Variants in OR52N4 observed in about 807,000 individuals in gnomAD.
OR52N4 encodes olfactory receptor family 52 subfamily N member 4, also known as olfactory receptor 52N4.
A neutral mutation model predicts 15.0 loss-of-function variants in OR52N4; 15 were observed. That is an observed-to-expected ratio of 1.00 (90% CI 0.67 to 1.54). OR52N4 has a LOEUF of 1.54. Ranked by LOEUF, OR52N4 falls within the 40% of genes most tolerant of loss-of-function variation. The pLI is 0.00. For missense variants in OR52N4, 421 were observed against 394.0 expected, an observed-to-expected ratio of 1.07 and a Z score of -0.58; for synonymous variants, 143 against 143.7, an observed-to-expected ratio of 1.00 and a Z score of 0.03.
chr11:5,736,517 A>G, the OR52N4 span: 1 of 1,613,108 alleles, frequency 6.2e-7, no homozygotes, highest in Non-Finnish European at 8.5e-7. Context: ...ATGTTGAATC[A>G]TGAATCATAT....
At chr11:5,737,298 A>G in the OR52N4 span, 1 of 1,614,056 alleles carries the variant, frequency 6.2e-7, no homozygotes, top group Non-Finnish European at 8.5e-7. Context: ...CTTTTCTTTT[A>G]CACTATTGTT....
At position 5,755,807 on chromosome 11, in the gene OR52N4, C is replaced by A; in HGVS notation, c.*101C>A. 1.4e-6 allele frequency: 2 copies of A among 1,396,198 alleles called. No individual in the cohort carries two copies. The highest frequency in any genetic ancestry group is 1.9e-6 in the Non-Finnish European group (2 of 1,042,438). The allele number at this position is 1,396,198 out of a possible 1,614,324, so 86.5% of individuals were successfully genotyped here. On this transcript the variant is annotated 3_prime_UTR_variant, in exon 2 of 2. Transcript: ENST00000641350. ...CTTTCTGGAAGCACTGTATTGATCACAAAATGGAGTTTGTTAACTGGTGCA... is the reference window on the plus strand; with the variant it reads ...CTTTCTGGAAGCACTGTATTGATCAAAAAATGGAGTTTGTTAACTGGTGCA...
chr11:5,729,505 T>G, the OR52N4 span, among the ~76,000 whole-genome samples: 1 of 152,166 alleles, frequency 6.6e-6, no homozygotes, highest in East Asian at 1.9e-4. Context: ...TTCTCCAAAT[T>G]GACCATTTTT....
At chr11:5,730,039 AT>A in the OR52N4 span, among the ~76,000 whole-genome samples, 174 of 151,946 alleles carry the variant, frequency 1.1e-3, 2 homozygotes, top group African/African-American at 3.9e-3. Context: ...AACCTTAGTG[AT>A]TTTTTTTAAA....
rs576213456 is a variant in OR52N4 at position 5,755,085 on chromosome 11, G to A, written c.345G>A (p.Gly115=). The part of the protein sequence containing the change: ...FTHTFTGMES[G]VLMLMALDRY... ...ACACCTTCACAGGGATGGAGTCTGG[G>A]GTGCTTATGCTTATGGCCCTGGATC... Residue 115 remains glycine (G), a synonymous_variant, in exon 2 of 2, where the codon GGG becomes GGA. Coordinates refer to ENST00000641350, the MANE Select transcript of OR52N4 (RefSeq NM_001005175.5). The A allele has an allele frequency of 1.9e-6, 3 of 1,613,982 alleles. No homozygotes were observed. The highest frequency in any genetic ancestry group is 1.3e-5 in the African/African-American group (1 of 75,030).
At chr11:5,746,307 AT>A in the OR52N4 span, among the ~76,000 whole-genome samples, 11 of 152,194 alleles carry the variant, frequency 7.2e-5, no homozygotes, top group Non-Finnish European at 1.6e-4. Flanking sequence ...ATGAGGCATA[AT>A]TAAACTAAAA....
chr11:5,741,559 G>C, the OR52N4 span, among the ~76,000 whole-genome samples: 2 of 152,190 alleles, frequency 1.3e-5, no homozygotes, highest in African/African-American at 4.8e-5. Context: ...AGAAAAGTAT[G>C]TTCTATGGAA....
chr11:5,738,060 A>G, the OR52N4 span: 2 of 153,988 alleles, frequency 1.3e-5, no homozygotes, highest in Admixed American at 1.3e-4. Context: ...CAAAAGATTC[A>G]TCTAGCTAGA....
chr11:5,755,394 C>G lies in OR52N4; in HGVS notation c.654C>G (p.Asn218Lys), dbSNP rs777006220. The change falls in exon 2 of 2, where the codon AAC becomes AAG. Residue 218 changes from asparagine (N) to lysine (K), a missense_variant. Transcript: ENST00000641350. ...GCTTTGACATACTGTGTATCACCAA[C>G]TCCTATACCATGATTCTCCGGGCAG... ...IWGFDILCIT[N>K]SYTMILRAVV... is the part of the protein sequence containing the mutation. 6.2e-7 allele frequency: 1 copy of G among 1,614,000 alleles called. No individual in the cohort carries two copies. The highest frequency in any genetic ancestry group is 8.5e-7 in the Non-Finnish European group (1 of 1,179,944).
chr11:5,737,229 A>C, the OR52N4 span: 33 of 1,613,966 alleles, frequency 2.0e-5, no homozygotes, highest in Non-Finnish European at 2.8e-5. Context: ...CTTAGACTGA[A>C]CTCAGCTGAA....
At chr11:5,739,905 G>C in the OR52N4 span, among the ~76,000 whole-genome samples, 221 of 128,300 alleles carry the variant, frequency 1.7e-3, 45 homozygotes, top group African/African-American at 5.9e-3. Flanking sequence ...TTTTGCATGA[G>C]GACTCTGAAC....
chr11:5,737,431 A>G, the OR52N4 span: 1 of 1,614,002 alleles, frequency 6.2e-7, no homozygotes, highest in East Asian at 2.2e-5. Flanking sequence ...TTCAGACCAA[A>G]GAACTTAGGG....
the OR52N4 span, chr11:5,737,813 A>G: frequency 4.8e-6 from 1 of 210,506 alleles, no homozygotes; most frequent in South Asian, 9.8e-5. Flanking sequence ...ACAGACACAC[A>G]TACATTCAAT....
chr11:5,739,989 T>C, the OR52N4 span, among the ~76,000 whole-genome samples: 18,707 of 128,158 alleles, frequency 0.15, 5,270 homozygotes, highest in East Asian at 0.26. Flanking sequence ...CTTCTCTTTC[T>C]CTTTTCTTGG....
At chr11:5,731,794 AATCT>A in the OR52N4 span, among the ~76,000 whole-genome samples, 1 of 152,264 alleles carries the variant, frequency 6.6e-6, no homozygotes, top group Admixed American at 6.5e-5. Context: ...ACTTATCAAC[AATCT>A]ATTTTTCTCT....
At chr11:5,742,435 A>T in the OR52N4 span, among the ~76,000 whole-genome samples, 1 of 152,298 alleles carries the variant, frequency 6.6e-6, no homozygotes, top group South Asian at 2.1e-4. Flanking sequence ...GACTATCTAA[A>T]GCCAATATGA....
the OR52N4 span, among the ~76,000 whole-genome samples, chr11:5,732,904 T>C: frequency 2.0e-5 from 3 of 152,156 alleles, no homozygotes; most frequent in African/African-American, 7.2e-5. Flanking sequence ...CTGGTTCTTC[T>C]CCAGTCATCC....
chr11:5,736,332 C>T, the OR52N4 span: 1 of 598,442 alleles, frequency 1.7e-6, no homozygotes, highest in South Asian at 2.1e-5. Flanking sequence ...AGTTAATAAA[C>T]CTCTGCATCA....
At chr11:5,735,175 C>A in the OR52N4 span, among the ~76,000 whole-genome samples, 1 of 151,960 alleles carries the variant, frequency 6.6e-6, no homozygotes, top group Non-Finnish European at 1.5e-5. Context: ...CATAAACCTG[C>A]AATAGCTTCC....
Sources: gnomAD v4.1 joint callset for allele counts (sites outside exome capture counted in the v4.1 genomes callset) on GRCh38, gnomAD v4.1.1 for gene constraint, MANE v1.5 for transcripts, NCBI Gene and HGNC (gene_info 2026-07-23, HGNC 2026-07-21) for gene names.